The following GARNL3 variants were observed in gnomAD, a reference collection of about 807,000 sequenced individuals.
The protein encoded by GARNL3 is GTPase activating Rap/RanGAP domain like 3.
Under a neutral mutation model 125.0 loss-of-function variants are expected in GARNL3, and 63 were observed. The observed-to-expected ratio is 0.50, with a 90% CI of 0.41 to 0.62. The LOEUF (loss-of-function observed/expected upper bound fraction) is 0.62, where lower values mean the gene tolerates loss of function less well. GARNL3 is among the 20% of genes least tolerant of loss of function. The probability of loss-of-function intolerance (pLI) is 0.00; values close to 1 mark genes in which losing one functional copy is unlikely to be tolerated. For synonymous variants in GARNL3, 439 were observed against 457.5 expected (o/e 0.96, Z 0.52); for missense variants, 994 against 1,244.0 (o/e 0.80, Z 3.02).
At chr9:127,389,270 A>G in intron 26 of GARNL3, 151 bp downstream of exon 26, 1 of 619,324 alleles carries the variant, frequency 1.6e-6, no homozygotes, top group Non-Finnish European at 2.8e-6. Flanking sequence ...CTCTATACCA[A>G]GGAATACACT....
At chr9:127,261,542 G>C (rs1564857251), upstream of GARNL3, among the ~76,000 whole-genome samples, 2 of 151,322 alleles carry the variant, frequency 1.3e-5, no homozygotes, top group African/African-American at 4.9e-5. Flanking sequence ...TCCCAAGTAG[G>C]TGGGATTACA....
chr9:127,330,884 G>A (rs965127867), intron 7 of GARNL3, among the ~76,000 whole-genome samples: 18 of 152,180 alleles, frequency 1.2e-4, no homozygotes, highest in African/African-American at 4.3e-4. Context: ...TCTCAGGTGT[G>A]TTGGGGACAG....
intron 6 of GARNL3, among the ~76,000 whole-genome samples, 158 bp from the exon 7 acceptor site, chr9:127,324,911 G>C (rs2065520843): frequency 6.6e-6 from 1 of 152,210 alleles, no homozygotes; most frequent in Non-Finnish European, 1.5e-5. Flanking sequence ...CTTTGTCATA[G>C]TTGGGTTTTT....
At chr9:127,262,817 A>T (rs117011292), upstream of GARNL3, among the ~76,000 whole-genome samples, 535 of 152,356 alleles carry the variant, frequency 3.5e-3, 3 homozygotes, top group Non-Finnish European at 4.6e-3. Context: ...GCAGTAGGCC[A>T]GACACTGGGG....
At chr9:127,305,924 A>G (rs2064941156) in intron 2 of GARNL3, among the ~76,000 whole-genome samples, 1 of 152,140 alleles carries the variant, frequency 6.6e-6, no homozygotes, top group Non-Finnish European at 1.5e-5. Flanking sequence ...TCATTAAAGA[A>G]AACTCCTCAT....
At chr9:127,340,821 T>C (rs1277292524) in intron 13 of GARNL3, among the ~76,000 whole-genome samples, 3 of 151,842 alleles carry the variant, frequency 2.0e-5, no homozygotes, top group Non-Finnish European at 4.4e-5. Flanking sequence ...ACATGTTGTT[T>C]CTCCTCTGTC....
upstream of GARNL3, among the ~76,000 whole-genome samples, chr9:127,259,304 C>T (rs2063544526): frequency 6.6e-6 from 1 of 152,220 alleles, no homozygotes; most frequent in Non-Finnish European, 1.5e-5. Context: ...TGGAGGTCCT[C>T]AGCTCTGTTC....
Position 127,229,794 on chromosome 9 carries a change from C to A in GARNL3, c.-29+5456C>A, listed in dbSNP as rs62578790. Among the ~76,000 whole-genome samples, 910 of 152,348 alleles carry A rather than the reference C, an allele frequency of 6.0e-3. 5 individuals carry two copies. The highest frequency in any genetic ancestry group is 0.012 in the South Asian group (57 of 4,834). ...TACAGGCTTGAGCCACCATACCCAG[C>A]AGTTTAAATGACTCATGTTTAGGGC... On this transcript the variant is annotated intron_variant, in intron 1 of 10. Transcript: ENST00000439286.
intron 4 of GARNL3, among the ~76,000 whole-genome samples, chr9:127,314,251 A>G (rs75763408): frequency 0.01 from 1,578 of 152,242 alleles, 10 homozygotes; most frequent in South Asian, 0.029. Context: ...GACCATTGCC[A>G]TAGGCCTGTG....
chr9:127,336,975 T>G (rs2131590264), intron 11 of GARNL3, among the ~76,000 whole-genome samples: 1 of 152,372 alleles, frequency 6.6e-6, no homozygotes, highest in Admixed American at 6.5e-5. Context: ...CTCATTTCCC[T>G]GGAGGCTCCA....
rs1830542754 is a variant in GARNL3 at position 127,353,948 on chromosome 9, G to T, written c.1642+4G>T. On this transcript the variant is annotated splice_donor_region_variant and intron_variant, in intron 18 of 27. Transcript: ENST00000373387. ...CTGGTTCTCAGAGCAGACAAAGGTG[G>T]TATTCCCTGCCGGGTGGCATGCTGT... The T allele has an allele frequency of 1.3e-6, 2 of 1,594,784 alleles. No individual in the cohort carries two copies. Among genetic ancestry groups the T allele is most frequent in the Admixed American group, 1.7e-5 (1 of 59,858 alleles).
intron 16 of GARNL3, among the ~76,000 whole-genome samples, chr9:127,346,368 C>T (rs1470171112): frequency 3.3e-5 from 5 of 152,138 alleles, no homozygotes; most frequent in Admixed American, 2.0e-4. Context: ...TGTGAGCCTA[C>T]GTGCTTTAAA....
At chr9:127,311,511 G>T in intron 2 of GARNL3, 125 bp from the exon 3 acceptor site, 2 of 667,488 alleles carry the variant, frequency 3.0e-6, no homozygotes, top group African/African-American at 1.8e-5. Flanking sequence ...AGAACATGCA[G>T]CCACAGCCCT....
chr9:127,247,168 G>T (rs1435283557), intron 2 of GARNL3, among the ~76,000 whole-genome samples: 5 of 152,152 alleles, frequency 3.3e-5, no homozygotes, highest in African/African-American at 1.2e-4. Flanking sequence ...GAGTCATTGG[G>T]AGGTGCTGAA....
rs568240161 is a variant in GARNL3, at chr9:127,371,356, G to A, written c.2161+5990G>A. ...GACTCCCTTTCCCAAGCCAGCCTCTGCCTTCCTCTGCCTTCCTTCACGTAG... is the reference window on the plus strand; with the variant it reads ...GACTCCCTTTCCCAAGCCAGCCTCTACCTTCCTCTGCCTTCCTTCACGTAG... On this transcript the variant is annotated intron_variant, in intron 22 of 27. Transcript: ENST00000373387. Among the ~76,000 whole-genome samples, 4 of 152,240 alleles carry A rather than the reference G, an allele frequency of 2.6e-5. No homozygotes were observed. In the South Asian group the frequency reaches 8.3e-4, roughly 32 times the overall value.
At chr9:127,360,702 G>T (rs1207454303) in intron 21 of GARNL3, among the ~76,000 whole-genome samples, 1 of 152,186 alleles carries the variant, frequency 6.6e-6, no homozygotes, top group African/African-American at 2.4e-5. Flanking sequence ...TTTCCATTCC[G>T]TCTACATTCG....
intron 13 of GARNL3, among the ~76,000 whole-genome samples, chr9:127,341,777 A>G (rs1224871924): frequency 6.6e-6 from 1 of 152,206 alleles, no homozygotes; most frequent in Non-Finnish European, 1.5e-5. Flanking sequence ...AGGTGAAATG[A>G]AACGAAGGGC....
At chr9:127,237,956 A>C (rs1564839931) in intron 1 of GARNL3, among the ~76,000 whole-genome samples, 1 of 152,204 alleles carries the variant, frequency 6.6e-6, no homozygotes, top group Non-Finnish European at 1.5e-5. Flanking sequence ...CACTTGTCAC[A>C]GTCCTCACAA....
intron 2 of GARNL3, among the ~76,000 whole-genome samples, chr9:127,295,852 G>A (rs1397625005): frequency 6.6e-6 from 1 of 152,120 alleles, no homozygotes; most frequent in Non-Finnish European, 1.5e-5. Context: ...GTTTCAGGAT[G>A]ATTCAAGCAC....
Sources: allele counts gnomAD v4.1 joint callset (sites outside exome capture counted in the v4.1 genomes callset), GRCh38; gene constraint gnomAD v4.1.1; transcripts MANE v1.5; gene names NCBI Gene and HGNC (gene_info 2026-07-23, HGNC 2026-07-21).